The following ACAD10 variants were observed in gnomAD, a reference collection of about 807,000 sequenced individuals.
The protein encoded by ACAD10 is acyl-CoA dehydrogenase family member 10.
Under a neutral mutation model 116.8 loss-of-function variants are expected in ACAD10, and 112 were observed. The observed-to-expected ratio is 0.96, with a 90% CI of 0.82 to 1.12. ACAD10 has a LOEUF of 1.12. Ranked by LOEUF, ACAD10 falls within the 50% of genes most tolerant of loss-of-function variation. The pLI, the probability that ACAD10 is intolerant of heterozygous loss-of-function variation, is 0.00. For synonymous variants in ACAD10, 486 were observed against 510.6 expected, an observed-to-expected ratio of 0.95 and a Z score of 0.65; for missense variants, 1,259 against 1,350.2, an observed-to-expected ratio of 0.93 and a Z score of 1.06.
chr12:111,731,610 A>G (rs1889386214), intron 10 of ACAD10, among the ~76,000 whole-genome samples: 1 of 152,194 alleles, frequency 6.6e-6, no homozygotes, highest in Non-Finnish European at 1.5e-5. Context: ...GTGAAGTATG[A>G]TGATCATTTA....
chr12:111,749,043 T>C (rs1889995349), intron 17 of ACAD10, 130 bp from the exon 18 acceptor site: 1 of 1,613,028 alleles, frequency 6.2e-7, no homozygotes, highest in South Asian at 1.1e-5. Flanking sequence ...CCTTTAACCA[T>C]GTCCCAGTAA....
At chr12:111,686,293 G>C (rs1887846949) in intron 1 of ACAD10, 54 bp downstream of exon 1, 1 of 152,356 alleles carries the variant, frequency 6.6e-6, no homozygotes, top group South Asian at 2.1e-4. Context: ...CTTTTGTTGT[G>C]TTTGACTCCT....
intron 4 of ACAD10, among the ~76,000 whole-genome samples, chr12:111,707,296 C>A (rs610303): frequency 0.53 from 79,476 of 150,244 alleles, 25,864 homozygotes; most frequent in East Asian, 0.94. Context: ...GGGTTTCACC[C>A]TGTTGGCCAG....
rs750301886 is a variant in ACAD10, at chr12:111,755,709, G to A, written c.3003G>A (p.Pro1001=). ...LDIAMIKMVA[P]SMASRVIDRA... ...TAGCCATGATTAAAATGGTCGCCCC[G>A]TCCATGGCCTCCCGAGTGATTGATC... Residue 1001 remains proline, a synonymous_variant, in exon 20 of 21, where the codon CCG becomes CCA. Coordinates refer to ENST00000313698, the MANE Select transcript of ACAD10 (RefSeq NM_025247.6). The A allele has an allele frequency of 1.9e-5, 30 of 1,613,768 alleles. No homozygotes were observed. Among genetic ancestry groups the A allele is most frequent in the Non-Finnish European group, 2.2e-5 (26 of 1,179,924 alleles).
chr12:111,696,557 G>C (rs1888195936), intron 2 of ACAD10, among the ~76,000 whole-genome samples: 1 of 152,106 alleles, frequency 6.6e-6, no homozygotes, highest in Non-Finnish European at 1.5e-5. Context: ...CTTTTACCCT[G>C]TACTGGCAGA....
rs367914946 is a variant in ACAD10 at position 111,748,495 on chromosome 12, G to T, written c.2644+20G>T. ...CACCAGGTGAGACCTCCAGGGGCGG[G>T]TCACCCCTGGGTGTGGGTCTGGTCC... On this transcript the variant is annotated intron_variant, in intron 17 of 20. Coordinates refer to ENST00000313698, the MANE Select transcript of ACAD10 (RefSeq NM_025247.6). 1 of 1,611,942 alleles carries T rather than the reference G, an allele frequency of 6.2e-7. No individual in the cohort carries two copies. Among genetic ancestry groups the T allele is most frequent in the African/African-American group, 1.3e-5 (1 of 74,856 alleles).
At chr12:111,710,091 T>TC (rs1888628672) in intron 5 of ACAD10, 1 of 154,848 alleles carries the variant, frequency 6.5e-6, no homozygotes, top group South Asian at 1.4e-4. Context: ...TTTTCTATTC[T>TC]TTTTTTTTTT....
chr12:111,754,818 C>A (rs1890163875), intron 19 of ACAD10, among the ~76,000 whole-genome samples: 2 of 152,242 alleles, frequency 1.3e-5, no homozygotes, highest in Non-Finnish European at 2.9e-5. Context: ...CAGGACCCTC[C>A]CCTTATCCCT....
At chr12:111,734,611 G>A (rs751018478) in intron 11 of ACAD10, among the ~76,000 whole-genome samples, 1 of 151,996 alleles carries the variant, frequency 6.6e-6, no homozygotes, top group African/African-American at 2.4e-5. Context: ...GCAACAGGGC[G>A]AGACTCCATC....
intron 19 of ACAD10, among the ~76,000 whole-genome samples, chr12:111,754,750 A>G (rs1270822478): frequency 6.6e-6 from 1 of 152,212 alleles, no homozygotes; most frequent in East Asian, 1.9e-4. Context: ...CAGAGCCCTG[A>G]GTGGCCTTGG....
At chr12:111,712,945 G>A (rs1334075539) in intron 6 of ACAD10, among the ~76,000 whole-genome samples, 1 of 152,228 alleles carries the variant, frequency 6.6e-6, no homozygotes, top group East Asian at 1.9e-4. Flanking sequence ...CTTGGGGACT[G>A]CAGTGTGTGC....
intron 2 of ACAD10, among the ~76,000 whole-genome samples, chr12:111,699,365 T>G (rs75812910): frequency 0.016 from 2,368 of 152,230 alleles, 71 homozygotes; most frequent in African/African-American, 0.054. Flanking sequence ...AAAATACAGA[T>G]AAAATTTCCT....
chr12:111,712,660 A>G lies in ACAD10; in HGVS notation c.850+3A>G. On this transcript the variant is annotated splice_donor_region_variant and intron_variant, in intron 6 of 20. Coordinates refer to ENST00000313698, the MANE Select transcript of ACAD10 (RefSeq NM_025247.6). ...CTTACTGGGTATCCAGACCACAGGT[A>G]TGTGGGCTTCTTTCATGTTTTGGTA... The G allele has an allele frequency of 6.2e-7, 1 of 1,612,934 alleles. No homozygotes were observed. Among genetic ancestry groups the G allele is most frequent in the Non-Finnish European group, 8.5e-7 (1 of 1,179,618 alleles).
intron 18 of ACAD10, among the ~76,000 whole-genome samples, chr12:111,749,950 T>A (rs1284806526): frequency 6.6e-6 from 1 of 151,310 alleles, no homozygotes; most frequent in African/African-American, 2.4e-5. Context: ...AATTTTTGTA[T>A]TTTTAGTAGA....
At chr12:111,686,658 G>C (rs960779751) in intron 1 of ACAD10, among the ~76,000 whole-genome samples, 1 of 152,200 alleles carries the variant, frequency 6.6e-6, no homozygotes, top group Non-Finnish European at 1.5e-5. Context: ...GGAGGTTGCA[G>C]TGAGTCGAGA....
chr12:111,687,247 G>A (rs1024170690), intron 1 of ACAD10, among the ~76,000 whole-genome samples: 1 of 152,126 alleles, frequency 6.6e-6, no homozygotes, highest in African/African-American at 2.4e-5. Context: ...AGATACATGC[G>A]TATATAGATC....
chr12:111,753,155 TAAAA>T (rs971065133), intron 18 of ACAD10: 1 of 196,100 alleles, frequency 5.1e-6, no homozygotes, highest in Admixed American at 5.5e-5. Flanking sequence ...AAAAAAATAA[TAAAA>T]AAAAGAAGGA....
intron 12 of ACAD10, among the ~76,000 whole-genome samples, chr12:111,737,841 G>GGTGTGTGT (rs150399090): frequency 0.01 from 1,529 of 146,436 alleles, 34 homozygotes; most frequent in African/African-American, 0.036. Context: ...CAAATTTCTT[G>GGTGTGTGT]GTGTGTGTGT....
At chr12:111,709,299 AACAG>A (rs1888599396) in intron 4 of ACAD10, among the ~76,000 whole-genome samples, 1 of 152,190 alleles carries the variant, frequency 6.6e-6, no homozygotes, top group South Asian at 2.1e-4. Flanking sequence ...CAGTGTCTGA[AACAG>A]ACACTTTGGT....
Sources: gnomAD v4.1 joint callset for allele counts (sites outside exome capture counted in the v4.1 genomes callset) on GRCh38, gnomAD v4.1.1 for gene constraint, MANE v1.5 for transcripts, NCBI Gene and HGNC (gene_info 2026-07-23, HGNC 2026-07-21) for gene names.